PIAS2: variants seen among roughly 807,000 people sequenced by gnomAD.
PIAS2 encodes the protein E3 SUMO-protein ligase PIAS2.
PIAS2 carries 19 observed loss-of-function variants against 69.7 expected under a neutral mutation model. The observed-to-expected ratio is 0.27, with a 90% CI of 0.19 to 0.40. The LOEUF (loss-of-function observed/expected upper bound fraction) is 0.40, where lower values mean the gene tolerates loss of function less well. Ranked by LOEUF, PIAS2 falls within the 10% of genes least tolerant of loss-of-function variation. The probability of loss-of-function intolerance (pLI) is 1.00; values close to 1 mark genes in which losing one functional copy is unlikely to be tolerated. For missense variants in PIAS2, 624 were observed against 757.0 expected (o/e 0.82, Z 2.06); for synonymous variants, 261 against 263.2 (o/e 0.99, Z 0.08).
rs904812373 is a variant in PIAS2 at position 46,812,014 on chromosome 18, G to T, written c.*419C>A. The T allele has an allele frequency of 6.5e-6, 1 of 154,276 alleles. No individual in the cohort carries two copies. Among genetic ancestry groups the T allele is most frequent in the Non-Finnish European group, 1.4e-5 (1 of 69,194 alleles). The allele number at this position is 154,276 out of a possible 1,614,324, so 9.6% of individuals were successfully genotyped here. ...ATATATTTTTTTTCCTTCACGTAAG[G>T]TTAAACAGAAGTTGCTGTCATTCTA... On this transcript the variant is annotated 3_prime_UTR_variant, in exon 14 of 14. Transcript: ENST00000585916.
chr18:46,899,653 G>A (rs1422286107), intron 1 of PIAS2, among the ~76,000 whole-genome samples: 1 of 152,190 alleles, frequency 6.6e-6, no homozygotes, highest in African/African-American at 2.4e-5. Context: ...TTTTAGTAAA[G>A]ATGAGATTTC....
At chr18:46,896,010 T>A (rs1302438696) in intron 1 of PIAS2, among the ~76,000 whole-genome samples, 1 of 151,788 alleles carries the variant, frequency 6.6e-6, no homozygotes, top group East Asian at 1.9e-4. Flanking sequence ...ATAAAAAAAA[T>A]GCTACATTCC....
At position 46,811,831 on chromosome 18, in the gene PIAS2, G is replaced by C. The variant is rs148665109; in HGVS notation, c.*602C>G. The stretch of plus-strand genomic sequence containing the variant: ...AAGCAGGAAAAAAACCAAGTAACAC[G>C]AATGCCATTTTTCTTTGATGCAATC... On this transcript the variant is annotated 3_prime_UTR_variant, in exon 14 of 14. Coordinates refer to ENST00000585916, the MANE Select transcript of PIAS2 (RefSeq NM_004671.5). The C allele has an allele frequency of 1.3e-5, 2 of 152,096 alleles. No individual in the cohort carries two copies. Among genetic ancestry groups the C allele is most frequent in the Admixed American group, 6.5e-5 (1 of 15,280 alleles). The allele number at this position is 152,096 out of a possible 1,614,324, so 9.4% of individuals were successfully genotyped here. A position where few individuals can be genotyped will look rare whatever the true frequency, so the allele number is the denominator to read the frequency against.
intron 9 of PIAS2, among the ~76,000 whole-genome samples, chr18:46,833,144 C>CA (rs911796678): frequency 2.0e-5 from 3 of 152,122 alleles, no homozygotes; most frequent in African/African-American, 7.2e-5. Flanking sequence ...GTATTTCCAA[C>CA]AGCCCCAAAA....
At chr18:46,899,267 TA>T (rs2055403925) in intron 1 of PIAS2, among the ~76,000 whole-genome samples, 1 of 152,100 alleles carries the variant, frequency 6.6e-6, no homozygotes, top group African/African-American at 2.4e-5. Context: ...TTTGCCATTT[TA>T]AAGGGGAAAG....
In PIAS2 at chr18:46,836,380, G is replaced by C. The variant is rs752740096; in HGVS notation, c.1179C>G (p.Ala393=). Residue 393 remains alanine, a synonymous_variant, in exon 9 of 14, where the codon GCC becomes GCG. Coordinates refer to ENST00000585916, the MANE Select transcript of PIAS2 (RefSeq NM_004671.5). The stretch of plus-strand genomic sequence containing the variant: ...ACCCATCTAATATTAGACTTTCATA[G>C]GCAGCTTTTTTGTCACACACAGGAC... ...WICPVCDKKA[A]YESLILDGLF... 6.2e-7 allele frequency: 1 copy of C among 1,613,870 alleles called. No individual in the cohort carries two copies. Among genetic ancestry groups the C allele is most frequent in the South Asian group, 1.1e-5 (1 of 91,066 alleles).
At position 46,803,406 on chromosome 18, in the gene PIAS2, G is replaced by A. The variant is rs2040556116; in HGVS notation, c.*9027C>T. ...TGAAATACTCTATTTTTTGGCCTCTGTAATACCACGTTATTTTCCTTCAGT... is the reference window on the plus strand; with the variant it reads ...TGAAATACTCTATTTTTTGGCCTCTATAATACCACGTTATTTTCCTTCAGT... On this transcript the variant is annotated 3_prime_UTR_variant, in exon 14 of 14. Coordinates refer to ENST00000585916, the MANE Select transcript of PIAS2 (RefSeq NM_004671.5). 1 of 152,134 alleles carries A rather than the reference G, an allele frequency of 6.6e-6. No individual in the cohort carries two copies. Among genetic ancestry groups the A allele is most frequent in the Admixed American group, 6.5e-5 (1 of 15,268 alleles). The allele number at this position is 152,134 out of a possible 1,614,324, so 9.4% of individuals were successfully genotyped here.
chr18:46,872,165 A>T (rs72911118), intron 2 of PIAS2, among the ~76,000 whole-genome samples: 1 of 152,126 alleles, frequency 6.6e-6, no homozygotes, highest in Non-Finnish European at 1.5e-5. Flanking sequence ...AAGAAATTAG[A>T]CGGGTCATGC....
upstream of PIAS2, chr18:46,920,068 T>A (rs1404617914): frequency 7.8e-7 from 1 of 1,289,670 alleles, no homozygotes; most frequent in East Asian, 5.5e-5. Flanking sequence ...CGTGCAGTGT[T>A]CTTTGTAGTT....
rs1294081491 is a variant in PIAS2 at position 46,917,381 on chromosome 18, C to T, written c.-36G>A. 1.6e-5 allele frequency: 23 copies of T among 1,450,872 alleles called. No homozygotes were observed. Among genetic ancestry groups the T allele is most frequent in the Non-Finnish European group, 2.1e-5 (23 of 1,095,084 alleles). 89.9% of individuals were successfully genotyped at this position (1,450,872 alleles called of 1,614,324 possible). A position where few individuals can be genotyped will look rare whatever the true frequency, so the allele number is the denominator to read the frequency against. ...CCGCGGGCGCCGCCGCCGCTGCCGC[C>T]GCACCCACTCCCGCTGCCGCCAACG... On this transcript the variant is annotated 5_prime_UTR_variant, in exon 1 of 14. Transcript: ENST00000585916.
chr18:46,843,301 A>C (rs1442176076), intron 8 of PIAS2, among the ~76,000 whole-genome samples: 1 of 152,218 alleles, frequency 6.6e-6, no homozygotes, highest in African/African-American at 2.4e-5. Flanking sequence ...AATGGTGGGT[A>C]GTCATCAAAT....
In PIAS2 at chr18:46,808,061, G is replaced by A. The variant is rs2040797938; in HGVS notation, c.*4372C>T. ...TCTAAACTGTTCAAAATAAGTAAAG[G>A]TTATATGAAACATGGCACATCCATA... On this transcript the variant is annotated 3_prime_UTR_variant, in exon 14 of 14. Coordinates refer to ENST00000585916, the MANE Select transcript of PIAS2 (RefSeq NM_004671.5). 1 of 152,128 alleles carries A rather than the reference G, an allele frequency of 6.6e-6. No homozygotes were observed. The highest frequency in any genetic ancestry group is 2.4e-5 in the African/African-American group (1 of 41,434). The allele number at this position is 152,128 out of a possible 1,614,324, so 9.4% of individuals were successfully genotyped here. A position where few individuals can be genotyped will look rare whatever the true frequency, so the allele number is the denominator to read the frequency against.
intron 1 of PIAS2, chr18:46,891,704 A>T (rs1291323505): frequency 1.1e-6 from 1 of 901,616 alleles, no homozygotes; most frequent in Non-Finnish European, 1.3e-6. Context: ...TCCAAATGAG[A>T]AAAAGACCTT....
At chr18:46,908,132 T>G (rs112534538) in intron 1 of PIAS2, 1 of 152,160 alleles carries the variant, frequency 6.6e-6, no homozygotes, top group Admixed American at 6.5e-5. Context: ...AGTTTGGTTT[T>G]TTATTATAAA....
chr18:46,905,470 G>C (rs917751258), intron 1 of PIAS2, among the ~76,000 whole-genome samples: 2 of 151,834 alleles, frequency 1.3e-5, no homozygotes, highest in African/African-American at 4.8e-5. Context: ...GGAAATGTAA[G>C]AAAAGAAAAG....
At position 46,890,801 on chromosome 18, in the gene PIAS2, T is replaced by C. The variant is rs752093416; in HGVS notation, c.278A>G (p.Glu93Gly). 6.2e-7 allele frequency: 1 copy of C among 1,614,168 alleles called. No individual in the cohort carries two copies. Among genetic ancestry groups the C allele is most frequent in the South Asian group, 1.1e-5 (1 of 91,086 alleles). ...GATTCCAGCCACGGCCAAGTCAGGT[T>C]CTACAGGTGATGAGCCACCATCCAA... Reference protein sequence around the residue: ...FSLDGGSSPVEPDLAVAGIHS... With the variant: ...FSLDGGSSPVGPDLAVAGIHS... The change falls in exon 2 of 14, where the codon GAA (glutamate) becomes GGA (glycine). Residue 93 changes from glutamate to glycine, a missense_variant. Around this residue, in one of 3 missense-constraint regions of PIAS2, gnomAD observed 339 missense variants for 408.8 expected, o/e 0.83. Transcript: ENST00000585916.
chr18:46,810,786 C>A lies in PIAS2; in HGVS notation c.*1647G>T, dbSNP rs2040948556. On this transcript the variant is annotated 3_prime_UTR_variant, in exon 14 of 14. Coordinates refer to ENST00000585916, the MANE Select transcript of PIAS2 (RefSeq NM_004671.5). ...GCAAGGACAAGTCAGCTCCTTGGAGCTGCACCAACTCTTAAGTAGGATGTC... is the reference window on the plus strand; with the variant it reads ...GCAAGGACAAGTCAGCTCCTTGGAGATGCACCAACTCTTAAGTAGGATGTC... The A allele has an allele frequency of 6.6e-6, 1 of 150,758 alleles. No homozygotes were observed. The highest frequency in any genetic ancestry group is 1.5e-5 in the Non-Finnish European group (1 of 67,812). The allele number at this position is 150,758 out of a possible 1,614,324, so 9.3% of individuals were successfully genotyped here. A position where few individuals can be genotyped will look rare whatever the true frequency, so the allele number is the denominator to read the frequency against.
chr18:46,893,369 T>C (rs529475844), intron 1 of PIAS2: 5 of 503,614 alleles, frequency 9.9e-6, no homozygotes, highest in Admixed American at 1.3e-4. Flanking sequence ...TTGTCAGATA[T>C]TCTTCATTTT....
intron 2 of PIAS2, among the ~76,000 whole-genome samples, chr18:46,882,585 A>T (rs1286033768): frequency 6.6e-6 from 1 of 152,242 alleles, no homozygotes; most frequent in Admixed American, 6.5e-5. Context: ...AGTTGTTCAT[A>T]GCTGCAATGT....
Sources: gnomAD v4.1 joint callset for allele counts (sites outside exome capture counted in the v4.1 genomes callset) on GRCh38, gnomAD v4.1.1 for gene constraint, gnomAD v4.1.1 regional missense constraint, MANE v1.5 for transcripts, NCBI Gene and HGNC (gene_info 2026-07-23, HGNC 2026-07-21) for gene names.